CFAP99: variants seen among roughly 807,000 people sequenced by gnomAD.
The protein encoded by CFAP99 is cilia and flagella associated protein 99, also known as cilia- and flagella-associated protein 99.
A neutral mutation model predicts 82.7 loss-of-function variants in CFAP99; 84 were observed. The observed-to-expected ratio is 1.02, with a 90% CI of 0.85 to 1.22. CFAP99 has a LOEUF of 1.22. CFAP99 is among the 50% of genes most tolerant of loss of function. CFAP99 has a pLI of 0.00. For missense variants in CFAP99, 1,059 were observed against 983.5 expected, an observed-to-expected ratio of 1.08 and a Z score of -1.03; for synonymous variants, 456 against 429.5, an observed-to-expected ratio of 1.06 and a Z score of -0.76.
In CFAP99 at chr4:2,462,892, G is replaced by A; in HGVS notation, c.2111G>A (p.Gly704Glu). Reference sequence around the variant, plus strand: ...CAGGCGCTGCAGCAGGGAGGCTCAGGACCCGGGCCCGCGCGCCGCCTGGAG... The same window carrying A: ...CAGGCGCTGCAGCAGGGAGGCTCAGAACCCGGGCCCGCGCGCCGCCTGGAG... The change falls in exon 15 of 15, where the codon GGA (glycine) becomes GAA (glutamate). Residue 704 changes from glycine to glutamate, a missense_variant. Transcript: ENST00000635017. This position sits in a 1 kb window ranked among gnomAD's most constrained non-coding sequence, Gnocchi z 4.1. The A allele has an allele frequency of 7.5e-7, 1 of 1,337,520 alleles. No homozygotes were observed. 82.9% of individuals were successfully genotyped at this position (1,337,520 alleles called of 1,614,324 possible).
chr4:2,451,341 G>C, exon 10 of CFAP99: 5 of 1,535,692 alleles, frequency 3.3e-6, no homozygotes, highest in Non-Finnish European at 4.4e-6. Context: ...AGGTGGAGCA[G>C]GAGCTGCAGA....
intron 14 of CFAP99, 117 bp downstream of exon 14, chr4:2,460,359 G>A (rs1419551231): frequency 2.2e-6 from 2 of 924,830 alleles, no homozygotes; most frequent in African/African-American, 1.6e-5. Context: ...TGCCCAGGAA[G>A]TTCCCTTGCC....
intron 4 of CFAP99, among the ~76,000 whole-genome samples, chr4:2,442,506 C>T (rs1286866892): frequency 6.6e-6 from 1 of 152,072 alleles, no homozygotes; most frequent in African/African-American, 2.4e-5. Flanking sequence ...GCCTGGCCGG[C>T]ACACAGAAGC....
chr4:2,429,871 A>T lies in CFAP99; in HGVS notation c.111+3285A>T, dbSNP rs370247213. On this transcript the variant is annotated intron_variant, in intron 2 of 14. Coordinates refer to ENST00000635017, the Ensembl canonical transcript of CFAP99. ...CTCCCAAGGTGCTGGGATTACAGGC[A>T]TGAGCCACTGCACCCAGCCTTTTCA... Among the ~76,000 whole-genome samples, 61 of 152,342 alleles carry T rather than the reference A, an allele frequency of 4.0e-4. 1 individual carries two copies. Among genetic ancestry groups the T allele is most frequent in the African/African-American group, 1.4e-3 (59 of 41,584 alleles).
At chr4:2,456,368 G>T (rs1020240600) in intron 11 of CFAP99, among the ~76,000 whole-genome samples, 1 of 141,100 alleles carries the variant, frequency 7.1e-6, no homozygotes, top group South Asian at 2.4e-4. Context: ...TAGCAATGGG[G>T]CTGGAAAGGA....
At chr4:2,451,976 G>T (rs1392157979) in intron 10 of CFAP99, among the ~76,000 whole-genome samples, 166 bp from the exon 11 acceptor site, 1 of 152,030 alleles carries the variant, frequency 6.6e-6, no homozygotes, top group Non-Finnish European at 1.5e-5. Context: ...CAGGGGATGG[G>T]TGGACAGTGG....
intron 2 of CFAP99, among the ~76,000 whole-genome samples, chr4:2,435,556 C>A (rs1450131778): frequency 2.0e-5 from 3 of 152,118 alleles, no homozygotes; most frequent in Non-Finnish European, 4.4e-5. Context: ...TAATCATTTA[C>A]AGTATCGTAG....
At position 2,460,338 on chromosome 4, in the gene CFAP99, C is replaced by T. The variant is rs913577636; in HGVS notation, c.1661+96C>T. The T allele has an allele frequency of 5.6e-6, 6 of 1,078,926 alleles. No individual in the cohort carries two copies. The African/African-American group carries it at 7.8e-5, about 14-fold the overall frequency. 66.8% of individuals were successfully genotyped at this position (1,078,926 alleles called of 1,614,324 possible). The stretch of plus-strand genomic sequence containing the variant: ...CCTGGGTGGGTCTCCTAGAAACAAC[C>T]ACCACCCTCCTGCCCAGGAAGTTCC... On this transcript the variant is annotated intron_variant, in intron 14 of 14. Coordinates refer to ENST00000635017, the Ensembl canonical transcript of CFAP99.
chr4:2,446,209 C>T lies in CFAP99; in HGVS notation c.642+901C>T, dbSNP rs1560385181. 6.6e-6 allele frequency among the ~76,000 whole-genome samples: 1 copy of T among 152,192 alleles called. No individual in the cohort carries two copies. The highest frequency in any genetic ancestry group is 1.5e-5 in the Non-Finnish European group (1 of 68,040). ...CCCCTCAAATATGTCAGGTCCTTCA[C>T]TTAGTTTACTTCTCACTGATCCTGG... is the stretch of plus-strand genomic sequence containing the variant. On this transcript the variant is annotated intron_variant, in intron 6 of 14. Transcript: ENST00000635017. The surrounding 1 kb of genome is among the most constrained non-coding windows in gnomAD (Gnocchi z 5.0).
intron 14 of CFAP99, among the ~76,000 whole-genome samples, chr4:2,460,551 A>G (rs958446542): frequency 6.6e-5 from 10 of 152,186 alleles, no homozygotes; most frequent in Non-Finnish European, 1.5e-4. Flanking sequence ...ATGTCTGCAG[A>G]AGCATTAGGA....
At chr4:2,455,691 A>T (rs952621662) in intron 11 of CFAP99, among the ~76,000 whole-genome samples, 3 of 152,118 alleles carry the variant, frequency 2.0e-5, no homozygotes, top group African/African-American at 4.8e-5. Flanking sequence ...CGTCTCAAAT[A>T]AAAAAAAGAA....
rs1465001281 is a variant in CFAP99, at chr4:2,426,446, G to T, written c.-17-13G>T. ...CAGGTGTGGAGGGCGTGACCTGCAC[G>T]GTTTGTTCTTAGGCTTCTGCCCTAA... On this transcript the variant is annotated splice_polypyrimidine_tract_variant and intron_variant, in intron 1 of 14. Coordinates refer to ENST00000635017, the Ensembl canonical transcript of CFAP99. 3 of 1,496,882 alleles carry T rather than the reference G, an allele frequency of 2.0e-6. No homozygotes were observed. The highest frequency in any genetic ancestry group is 1.4e-5 in the African/African-American group (1 of 72,310). The allele number at this position is 1,496,882 out of a possible 1,614,324, so 92.7% of individuals were successfully genotyped here.
At chr4:2,449,814 G>T (rs1443293620) in intron 7 of CFAP99, 64 bp downstream of exon 7, 15 of 1,530,396 alleles carry the variant, frequency 9.8e-6, no homozygotes, top group African/African-American at 1.4e-5. Flanking sequence ...AAGGGAAGGT[G>T]GGGTGGGGAG....
chr4:2,450,235 C>A, intron 8 of CFAP99: 1 of 569,504 alleles, frequency 1.8e-6, no homozygotes, highest in Non-Finnish European at 3.2e-6. Context: ...AGGAAGCTCA[C>A]GGGAAAGCAC....
chr4:2,458,328 G>C (rs1163088664), intron 11 of CFAP99, among the ~76,000 whole-genome samples: 2 of 152,154 alleles, frequency 1.3e-5, no homozygotes, highest in African/African-American at 2.4e-5. Flanking sequence ...TTACAGAAAA[G>C]CCGTAAATAT....
intron 11 of CFAP99, among the ~76,000 whole-genome samples, chr4:2,456,915 T>C (rs1159584349): frequency 6.6e-6 from 1 of 151,900 alleles, no homozygotes; most frequent in African/African-American, 2.4e-5. Flanking sequence ...TGACATTTCA[T>C]GTTTTGGATG....
intron 4 of CFAP99, among the ~76,000 whole-genome samples, chr4:2,441,132 A>G (rs1480374984): frequency 6.6e-6 from 1 of 151,576 alleles, no homozygotes; most frequent in Non-Finnish European, 1.5e-5. Context: ...GCAGTTTGGG[A>G]GGCCGAAGTG....
At chr4:2,458,632 C>T (rs1193690840) in intron 11 of CFAP99, 91 bp from the exon 12 acceptor site, 5 of 1,446,256 alleles carry the variant, frequency 3.5e-6, no homozygotes, top group Non-Finnish European at 4.6e-6. Context: ...GGTCCACCTT[C>T]AGACCTCATG....
chr4:2,458,024 T>C (rs1223401331), intron 11 of CFAP99, among the ~76,000 whole-genome samples: 1 of 152,172 alleles, frequency 6.6e-6, no homozygotes, highest in Non-Finnish European at 1.5e-5. Context: ...GGACTGCTGC[T>C]GCCTCCCTGA....
Sources: gnomAD v4.1 joint callset for allele counts (sites outside exome capture counted in the v4.1 genomes callset) on GRCh38, gnomAD v4.1.1 for gene constraint, Gnocchi (gnomAD v3.1) non-coding constraint, MANE v1.5 for transcripts, NCBI Gene and HGNC (gene_info 2026-07-23, HGNC 2026-07-21) for gene names.